Variants in MALRD1 observed in about 807,000 individuals in gnomAD.
The protein encoded by MALRD1 is MAM and LDL receptor class A domain containing 1.
Under a neutral mutation model 242.1 loss-of-function variants are expected in MALRD1, and 247 were observed. The observed-to-expected ratio is 1.02, with a 90% CI of 0.92 to 1.13. The LOEUF is 1.13. Ranked by LOEUF, MALRD1 falls within the 50% of genes most tolerant of loss-of-function variation. MALRD1 has a pLI of 0.00. For synonymous variants in MALRD1, 995 were observed against 866.6 expected (o/e 1.15, Z -2.60); for missense variants, 2,989 against 2,533.1 (o/e 1.18, Z -3.86).
intron 36 of MALRD1, among the ~76,000 whole-genome samples, chr10:19,646,001 T>G (rs7096314): frequency 0.51 from 77,604 of 152,058 alleles, 19,945 homozygotes; most frequent in East Asian, 0.54. Flanking sequence ...TTTTTGTTCT[T>G]GTGAACTAAA....
intron 35 of MALRD1, among the ~76,000 whole-genome samples, chr10:19,613,702 T>A (rs957106447): frequency 3.9e-5 from 6 of 152,088 alleles, no homozygotes; most frequent in Non-Finnish European, 7.4e-5. Flanking sequence ...CTTTCCTTTT[T>A]AAAATCTTGG....
At chr10:19,181,910 G>A (rs12252395) in intron 14 of MALRD1, among the ~76,000 whole-genome samples, 45,692 of 151,740 alleles carry the variant, frequency 0.3, 7,192 homozygotes, top group Admixed American at 0.37. Context: ...GAAATGTATC[G>A]ATTTAATAGT....
At chr10:19,210,590 A>T (rs528534625) in intron 18 of MALRD1, among the ~76,000 whole-genome samples, 1 of 152,206 alleles carries the variant, frequency 6.6e-6, no homozygotes, top group Non-Finnish European at 1.5e-5. Context: ...CTTTTTTTGC[A>T]TGTACTCAAC....
intron 11 of MALRD1, among the ~76,000 whole-genome samples, chr10:19,154,668 C>G (rs780084749): frequency 1.8e-4 from 27 of 152,184 alleles, no homozygotes; most frequent in Non-Finnish European, 3.1e-4. Flanking sequence ...CCAGGAGAAA[C>G]TAAAATTCAT....
intron 38 of MALRD1, among the ~76,000 whole-genome samples, chr10:19,701,242 C>A (rs1833613979): frequency 6.6e-6 from 1 of 152,008 alleles, no homozygotes; most frequent in African/African-American, 2.4e-5. Context: ...CTAGGCAGAC[C>A]CAAAGGTTCA....
At chr10:19,106,278 G>A (rs1836459865) in intron 5 of MALRD1, among the ~76,000 whole-genome samples, 1 of 151,698 alleles carries the variant, frequency 6.6e-6, no homozygotes, top group Admixed American at 6.6e-5. Flanking sequence ...ATGTTTGCTA[G>A]AATTTAGTAG....
At chr10:19,384,787 G>A (rs921708403) in intron 26 of MALRD1, among the ~76,000 whole-genome samples, 4 of 148,294 alleles carry the variant, frequency 2.7e-5, no homozygotes, top group Non-Finnish European at 4.5e-5. Context: ...CTCAGGCTAG[G>A]ACTACTAGTA....
intron 28 of MALRD1, among the ~76,000 whole-genome samples, chr10:19,422,252 C>T (rs1269698426): frequency 6.6e-6 from 1 of 152,122 alleles, no homozygotes; most frequent in Non-Finnish European, 1.5e-5. Flanking sequence ...AGTACCTTTG[C>T]AATTTTATGA....
intron 21 of MALRD1, among the ~76,000 whole-genome samples, chr10:19,300,441 A>C (rs1488754731): frequency 6.6e-6 from 1 of 151,946 alleles, no homozygotes; most frequent in Non-Finnish European, 1.5e-5. Flanking sequence ...AGGAGAAATC[A>C]TACTACCCAA....
chr10:19,245,903 C>G (rs188588898), intron 18 of MALRD1, among the ~76,000 whole-genome samples: 1 of 152,260 alleles, frequency 6.6e-6, no homozygotes, highest in East Asian at 1.9e-4. Flanking sequence ...ACAATTCATT[C>G]TAGCTTATCT....
rs538181822 is a variant in MALRD1 at position 19,341,824 on chromosome 10, C to T, written c.3902-5947C>T. Reference sequence around the variant, plus strand: ...TTTAAAAGCCAAGAATAATTAAAACCCAGCCCCTTTTATTTCATCACCATG... The same window carrying T: ...TTTAAAAGCCAAGAATAATTAAAACTCAGCCCCTTTTATTTCATCACCATG... On this transcript the variant is annotated intron_variant, in intron 24 of 39. Transcript: ENST00000454679. 2.6e-5 allele frequency among the ~76,000 whole-genome samples: 4 copies of T among 151,736 alleles called. No homozygotes were observed. The East Asian group carries it at 7.8e-4, about 29-fold the overall frequency.
At chr10:19,591,079 A>G (rs780965280) in intron 33 of MALRD1, among the ~76,000 whole-genome samples, 8 of 152,220 alleles carry the variant, frequency 5.3e-5, no homozygotes, top group Non-Finnish European at 1.0e-4. Flanking sequence ...CTCCCACCCC[A>G]TAATTCCTGG....
At chr10:19,142,171 C>CAAAAAAAAAAAAAAAAAAAAAA (rs529000033) in intron 10 of MALRD1, among the ~76,000 whole-genome samples, 2 of 26,276 alleles carry the variant, frequency 7.6e-5, no homozygotes, top group African/African-American at 3.4e-4. Flanking sequence ...GACTCTAACT[C>CAAAAAAAAAAAAAAAAAAAAAA]AAAAAAAAAA....
chr10:19,535,565 A>G (rs1009494909), intron 32 of MALRD1, among the ~76,000 whole-genome samples: 2 of 150,708 alleles, frequency 1.3e-5, no homozygotes, highest in African/African-American at 4.9e-5. Flanking sequence ...ATATGTACAT[A>G]TATGTATATA....
At chr10:19,657,914 G>A (rs573105126) in intron 36 of MALRD1, among the ~76,000 whole-genome samples, 40 of 152,236 alleles carry the variant, frequency 2.6e-4, no homozygotes, top group Non-Finnish European at 4.3e-4. Flanking sequence ...TTGGGAGGCT[G>A]AGGCGGGTGG....
rs983063630 is a variant in MALRD1, at chr10:19,460,368, A to T, written c.5029+9878A>T. ...TCTACAGATATTTATACATGCACAA[A>T]TATTAAGCCAGGACTAGAAACCAAT... is the stretch of plus-strand genomic sequence containing the variant. On this transcript the variant is annotated intron_variant, in intron 29 of 39. Transcript: ENST00000454679. Among the ~76,000 whole-genome samples the T allele has an allele frequency of 7.9e-5, 12 of 152,310 alleles. No homozygotes were observed. In the East Asian group the frequency reaches 1.7e-3, roughly 22 times the overall value.
At chr10:19,673,242 C>T (rs1250423605) in intron 36 of MALRD1, among the ~76,000 whole-genome samples, 1 of 151,952 alleles carries the variant, frequency 6.6e-6, no homozygotes, top group African/African-American at 2.4e-5. Flanking sequence ...AAAAAATTAA[C>T]CGGGCATGGT....
At chr10:19,177,542 A>G (rs546689545) in intron 14 of MALRD1, among the ~76,000 whole-genome samples, 35 of 152,294 alleles carry the variant, frequency 2.3e-4, no homozygotes, top group African/African-American at 7.5e-4. Flanking sequence ...AGACAGTTTA[A>G]TGAGAGAAAA....
chr10:19,286,327 G>C (rs1201338787), intron 21 of MALRD1, among the ~76,000 whole-genome samples: 1 of 147,284 alleles, frequency 6.8e-6, no homozygotes, highest in Admixed American at 7.0e-5. Context: ...TCCCTGTCTT[G>C]TGCCAGTTTT....
Sources: allele counts gnomAD v4.1 joint callset (sites outside exome capture counted in the v4.1 genomes callset), GRCh38; gene constraint gnomAD v4.1.1; transcripts MANE v1.5; gene names NCBI Gene and HGNC (gene_info 2026-07-23, HGNC 2026-07-21).